The following MSRA variants were observed in gnomAD, a reference collection of about 807,000 sequenced individuals.
The protein encoded by MSRA is mitochondrial peptide methionine sulfoxide reductase.
In MSRA, 54 loss-of-function variants were observed where a neutral mutation model predicts 31.3. That is an observed-to-expected ratio of 1.73 (90% CI 1.39 to 2.17). MSRA has a LOEUF of 2.17. Among genes scored for constraint, MSRA ranks in the 30% most tolerant of loss-of-function variants. MSRA has a pLI of 0.00. For synonymous variants in MSRA, 169 were observed against 116.5 expected (o/e 1.45, Z -2.90); for missense variants, 507 against 300.9 (o/e 1.69, Z -5.07).
intron 4 of MSRA, among the ~76,000 whole-genome samples, chr8:10,304,652 A>T (rs1801027683): frequency 2.0e-5 from 3 of 152,010 alleles, no homozygotes. Context: ...CTTGGCTATC[A>T]CTCACTCACC....
intron 5 of MSRA, among the ~76,000 whole-genome samples, chr8:10,390,700 T>C (rs1371195751): frequency 6.6e-6 from 1 of 152,134 alleles, no homozygotes; most frequent in African/African-American, 2.4e-5. Context: ...TCTGTGTGTA[T>C]TACCTCATTT....
chr8:10,259,168 T>C (rs1405179997), intron 3 of MSRA, among the ~76,000 whole-genome samples: 2 of 151,974 alleles, frequency 1.3e-5, no homozygotes, highest in Non-Finnish European at 2.9e-5. Flanking sequence ...GTCAAATCTA[T>C]TGAAGTTCTC....
intron 4 of MSRA, among the ~76,000 whole-genome samples, chr8:10,305,176 G>C (rs746776057): frequency 3.9e-5 from 6 of 152,190 alleles, no homozygotes; most frequent in African/African-American, 1.4e-4. Context: ...AGGAGAAGCA[G>C]TATCTACAGT....
intron 5 of MSRA, among the ~76,000 whole-genome samples, chr8:10,342,212 C>T (rs1238315946): frequency 6.6e-6 from 1 of 152,184 alleles, no homozygotes; most frequent in African/African-American, 2.4e-5. Context: ...TGGCCTTGAG[C>T]AGCAGTTCTC....
intron 1 of MSRA, among the ~76,000 whole-genome samples, chr8:10,079,464 CT>C (rs1798171922): frequency 6.6e-6 from 1 of 152,102 alleles, no homozygotes. Flanking sequence ...CATGTTTGTT[CT>C]AGAAAAATAA....
intron 1 of MSRA, among the ~76,000 whole-genome samples, chr8:10,199,965 C>T (rs1042445144): frequency 1.8e-4 from 27 of 152,194 alleles, no homozygotes; most frequent in Admixed American, 2.0e-4. Flanking sequence ...CAGCTTATGC[C>T]TCACCAAGGT....
intron 1 of MSRA, chr8:10,058,978 A>G (rs1360764706): frequency 1.3e-5 from 2 of 152,208 alleles, no homozygotes; most frequent in Non-Finnish European, 2.9e-5. Context: ...TTTGAATGAT[A>G]GATTATTATT....
At chr8:10,280,840 A>G (rs1310809503) in intron 3 of MSRA, among the ~76,000 whole-genome samples, 1 of 152,252 alleles carries the variant, frequency 6.6e-6, no homozygotes, top group Non-Finnish European at 1.5e-5. Context: ...AGCGTGAACT[A>G]CTAATGCACA....
chr8:10,348,619 C>T (rs1803938407), intron 5 of MSRA, among the ~76,000 whole-genome samples: 1 of 152,062 alleles, frequency 6.6e-6, no homozygotes, highest in African/African-American at 2.4e-5. Flanking sequence ...CCGCCTGCCT[C>T]GGCCTCCCAA....
intron 1 of MSRA, among the ~76,000 whole-genome samples, chr8:10,159,612 C>T (rs1804466692): frequency 6.6e-6 from 1 of 152,106 alleles, no homozygotes; most frequent in East Asian, 1.9e-4. Flanking sequence ...AGGATAACAT[C>T]TCTGTCAAAG....
Position 10,319,961 on chromosome 8 carries a change from C to G in MSRA, c.515C>G (p.Ala172Gly). 1 of 1,600,922 alleles carries G rather than the reference C, an allele frequency of 6.2e-7. No individual in the cohort carries two copies. Among genetic ancestry groups the G allele is most frequent in the African/African-American group, 1.3e-5 (1 of 74,722 alleles). Residue 172 changes from alanine (A) to glycine (G), a missense_variant, in exon 5 of 6, where the codon GCC becomes GGC. Physicochemically the swap from Ala to Gly is moderately conservative, Grantham distance 60. Transcript: ENST00000317173. ...YPTSAKQMEA[A>G]LSSKENYQKV... ...ACCTCTGCCAAGCAAATGGAGGCAG[C>G]CCTGAGCTCCAAAGAGAACTACCAA... is the stretch of plus-strand genomic sequence containing the variant.
chr8:10,070,660 C>T (rs1310964231), intron 1 of MSRA, among the ~76,000 whole-genome samples: 1 of 152,200 alleles, frequency 6.6e-6, no homozygotes, highest in East Asian at 1.9e-4. Context: ...TTCTTCCTCA[C>T]CCCCTGCCCA....
chr8:10,068,183 C>T (rs566762157), intron 1 of MSRA, among the ~76,000 whole-genome samples: 4 of 152,152 alleles, frequency 2.6e-5, no homozygotes, highest in South Asian at 4.1e-4. Flanking sequence ...CATGAGTGGC[C>T]TATTGTTGAG....
intron 1 of MSRA, among the ~76,000 whole-genome samples, chr8:10,192,414 T>C (rs1388626846): frequency 6.6e-6 from 1 of 152,196 alleles, no homozygotes; most frequent in East Asian, 1.9e-4. Context: ...GCAGCCCAGC[T>C]GACACCTTGA....
intron 5 of MSRA, among the ~76,000 whole-genome samples, chr8:10,394,206 T>A (rs576662497): frequency 6.6e-6 from 1 of 152,358 alleles, no homozygotes; most frequent in African/African-American, 2.4e-5. Flanking sequence ...GGCCATTCAA[T>A]GTTTTTATTG....
At chr8:10,301,489 G>T (rs2129125446) in intron 3 of MSRA, 45 bp from the exon 4 acceptor site, 1 of 1,461,446 alleles carries the variant, frequency 6.8e-7, no homozygotes, top group Non-Finnish European at 9.5e-7. Flanking sequence ...TGCAATAAAT[G>T]GATGTTGTCA....
At chr8:10,303,107 G>C (rs2129126449) in intron 4 of MSRA, among the ~76,000 whole-genome samples, 1 of 152,342 alleles carries the variant, frequency 6.6e-6, no homozygotes, top group Non-Finnish European at 1.5e-5. Flanking sequence ...AAGATGATAA[G>C]AGCTCCAAAA....
chr8:10,204,219 T>C (rs1808748924), intron 1 of MSRA, among the ~76,000 whole-genome samples: 1 of 152,164 alleles, frequency 6.6e-6, no homozygotes, highest in African/African-American at 2.4e-5. Context: ...AAAATTACAG[T>C]AGCTGAGGTT....
At chr8:10,088,227 G>A (rs576467971) in intron 1 of MSRA, among the ~76,000 whole-genome samples, 2 of 152,310 alleles carry the variant, frequency 1.3e-5, no homozygotes, top group South Asian at 2.1e-4. Context: ...CTAGTTCACT[G>A]TTGGTGGGAA....
Sources: allele counts gnomAD v4.1 joint callset (sites outside exome capture counted in the v4.1 genomes callset), GRCh38; gene constraint gnomAD v4.1.1; transcripts MANE v1.5; gene names NCBI Gene and HGNC (gene_info 2026-07-23, HGNC 2026-07-21).